SLC24A3: variants seen among roughly 807,000 people sequenced by gnomAD.
SLC24A3 encodes solute carrier family 24 member 3.
In SLC24A3, 28 loss-of-function variants were observed where a neutral mutation model predicts 75.8. That is an observed-to-expected ratio of 0.37 (90% CI 0.27 to 0.51). The LOEUF (loss-of-function observed/expected upper bound fraction) is 0.51. Ranked by LOEUF, SLC24A3 falls within the 20% of genes least tolerant of loss-of-function variation. The probability of loss-of-function intolerance (pLI) is 0.94; values close to 1 mark genes in which losing one functional copy is unlikely to be tolerated. For synonymous variants in SLC24A3, 372 were observed against 334.1 expected, an observed-to-expected ratio of 1.11 and a Z score of -1.24; for missense variants, 663 against 847.8, an observed-to-expected ratio of 0.78 and a Z score of 2.71.
At chr20:19,687,030 A>G (rs1478388784) in intron 12 of SLC24A3, among the ~76,000 whole-genome samples, 3 of 152,208 alleles carry the variant, frequency 2.0e-5, no homozygotes, top group Admixed American at 2.0e-4. Context: ...CTGTTGCTGC[A>G]TAACAAAATG....
chr20:19,325,083 T>C (rs1024639524), intron 2 of SLC24A3, among the ~76,000 whole-genome samples: 3 of 150,370 alleles, frequency 2.0e-5, no homozygotes, highest in East Asian at 4.0e-4. Flanking sequence ...CTTGCACTCC[T>C]AAAATACCTT....
chr20:19,347,119 G>A (rs182823491), intron 2 of SLC24A3, among the ~76,000 whole-genome samples: 35 of 152,262 alleles, frequency 2.3e-4, no homozygotes, highest in Admixed American at 2.1e-3. Flanking sequence ...CAATTTGAAA[G>A]GGTTATATAT....
chr20:19,270,008 C>G (rs1983278464), intron 1 of SLC24A3, among the ~76,000 whole-genome samples: 1 of 152,204 alleles, frequency 6.6e-6, no homozygotes, highest in African/African-American at 2.4e-5. Context: ...CCTACGATTT[C>G]TCTTCCAACG....
intron 2 of SLC24A3, among the ~76,000 whole-genome samples, chr20:19,442,687 A>G (rs1423017315): frequency 6.6e-6 from 1 of 152,194 alleles, no homozygotes; most frequent in Non-Finnish European, 1.5e-5. Flanking sequence ...TGTCTTTCAC[A>G]AAACAGTTAA....
chr20:19,443,144 T>C (rs1215521452), intron 2 of SLC24A3, among the ~76,000 whole-genome samples: 1 of 152,206 alleles, frequency 6.6e-6, no homozygotes, highest in Non-Finnish European at 1.5e-5. Flanking sequence ...TTTTCTCCAA[T>C]AGTGTGTTGG....
At chr20:19,340,294 G>T (rs1036352679) in intron 2 of SLC24A3, among the ~76,000 whole-genome samples, 1 of 152,190 alleles carries the variant, frequency 6.6e-6, no homozygotes, top group African/African-American at 2.4e-5. Flanking sequence ...CAGTTGCTGG[G>T]AGGCTGTGCC....
chr20:19,598,051 A>G (rs556722084), intron 6 of SLC24A3, among the ~76,000 whole-genome samples: 40 of 152,316 alleles, frequency 2.6e-4, no homozygotes, highest in African/African-American at 9.4e-4. Flanking sequence ...TATCCCTTCA[A>G]TACTGAGTTT....
chr20:19,388,570 G>A (rs1986311980), intron 2 of SLC24A3, among the ~76,000 whole-genome samples: 1 of 152,138 alleles, frequency 6.6e-6, no homozygotes, highest in African/African-American at 2.4e-5. Context: ...AATTAGCCGG[G>A]CGTGGTGGTG....
At chr20:19,397,286 TC>T (rs1986470740) in intron 2 of SLC24A3, among the ~76,000 whole-genome samples, 1 of 152,200 alleles carries the variant, frequency 6.6e-6, no homozygotes, top group African/African-American at 2.4e-5. Flanking sequence ...ATATTTTTTC[TC>T]CTCTCAAGAT....
At chr20:19,598,575 T>C (rs958979892) in intron 6 of SLC24A3, among the ~76,000 whole-genome samples, 2 of 152,036 alleles carry the variant, frequency 1.3e-5, no homozygotes, top group East Asian at 3.9e-4. Flanking sequence ...CACACTGGCC[T>C]CAGTGTGCTT....
At chr20:19,531,314 T>C (rs2030294750) in intron 3 of SLC24A3, among the ~76,000 whole-genome samples, 1 of 152,190 alleles carries the variant, frequency 6.6e-6, no homozygotes, top group Non-Finnish European at 1.5e-5. Context: ...GTCAAGTAAT[T>C]AGGAATTCTT....
chr20:19,653,988 T>C, intron 6 of SLC24A3, 74 bp from the exon 7 acceptor site: 1 of 1,331,736 alleles, frequency 7.5e-7, no homozygotes. Context: ...GGAAGCTGGC[T>C]AAACCTGCAA....
At chr20:19,648,508 G>A (rs947058840) in intron 6 of SLC24A3, among the ~76,000 whole-genome samples, 16 of 151,152 alleles carry the variant, frequency 1.1e-4, no homozygotes, top group Non-Finnish European at 2.9e-5. Context: ...CTTTTTAAAT[G>A]TGCCGGTAAT....
At chr20:19,693,898 T>G (rs6081709) in intron 13 of SLC24A3, 1 of 152,870 alleles carries the variant, frequency 6.5e-6, no homozygotes, top group Non-Finnish European at 1.5e-5. Flanking sequence ...CCCACATCAA[T>G]GGCATGGGGG....
In SLC24A3 at chr20:19,570,863, C is replaced by T. The variant is rs146109597; in HGVS notation, c.349-9137C>T. Among the ~76,000 whole-genome samples, 7 of 152,256 alleles carry T rather than the reference C, an allele frequency of 4.6e-5. No homozygotes were observed. The East Asian group carries it at 5.8e-4, about 13-fold the overall frequency. ...AACAAGGATGTAATTTGTTTGCATC[C>T]TTAGCAAACTCACGAATTCTTTTTG... is the stretch of plus-strand genomic sequence containing the variant. On this transcript the variant is annotated intron_variant, in intron 3 of 16. Coordinates refer to ENST00000328041, the MANE Select transcript of SLC24A3 (RefSeq NM_020689.4).
chr20:19,453,443 C>G (rs977882039), intron 2 of SLC24A3, among the ~76,000 whole-genome samples: 3 of 152,166 alleles, frequency 2.0e-5, no homozygotes, highest in Admixed American at 1.3e-4. Context: ...TGATCTGGCT[C>G]TTTGATGAGG....
intron 6 of SLC24A3, among the ~76,000 whole-genome samples, chr20:19,600,959 C>G (rs927441335): frequency 1.3e-5 from 2 of 152,180 alleles, no homozygotes; most frequent in Non-Finnish European, 2.9e-5. Flanking sequence ...CTGCACCTGG[C>G]CAACGCTAAG....
At chr20:19,320,944 T>C (rs1192785934) in intron 2 of SLC24A3, among the ~76,000 whole-genome samples, 1 of 152,088 alleles carries the variant, frequency 6.6e-6, no homozygotes, top group Non-Finnish European at 1.5e-5. Flanking sequence ...TGTGTGTACA[T>C]GTACACACAC....
chr20:19,325,865 A>G (rs1984848919), intron 2 of SLC24A3, among the ~76,000 whole-genome samples: 3 of 146,280 alleles, frequency 2.1e-5, no homozygotes, highest in South Asian at 4.4e-4. Flanking sequence ...AGGGGGACCC[A>G]AATCTAAACA....
Sources: allele counts gnomAD v4.1 joint callset (sites outside exome capture counted in the v4.1 genomes callset), GRCh38; gene constraint gnomAD v4.1.1; transcripts MANE v1.5; gene names NCBI Gene and HGNC (gene_info 2026-07-23, HGNC 2026-07-21).